Variants in PLCL2 observed in about 807,000 individuals in gnomAD.
PLCL2 encodes phospholipase C like 2.
PLCL2 carries 4 observed loss-of-function variants against 79.6 expected under a neutral mutation model. The observed-to-expected ratio is 0.05, with a 90% CI of 0.02 to 0.11. The LOEUF (loss-of-function observed/expected upper bound fraction) is 0.11, where lower values mean the gene tolerates loss of function less well. Ranked by LOEUF, PLCL2 falls within the 10% of genes least tolerant of loss-of-function variation. The pLI, the probability that PLCL2 is intolerant of heterozygous loss-of-function variation, is 1.00. For synonymous variants in PLCL2, 484 were observed against 457.7 expected (o/e 1.06, Z -0.73); for missense variants, 895 against 1,291.0 (o/e 0.69, Z 4.70).
chr3:17,032,450 A>G lies in PLCL2; in HGVS notation c.3019-10424A>G, dbSNP rs896736745. Among the ~76,000 whole-genome samples, 29 of 152,090 alleles carry G rather than the reference A, an allele frequency of 1.9e-4. 1 individual carries two copies. Among genetic ancestry groups the G allele is most frequent in the Admixed American group, 1.3e-4 (2 of 15,256 alleles). On this transcript the variant is annotated intron_variant, in intron 3 of 5. Transcript: ENST00000615277. ...GTGCATTCATTGTTTTGATTCCCCT[A>G]AGCTCTGCCTCTGTGATTTTGTCGA...
In PLCL2 at chr3:16,960,751, C is replaced by T. The variant is rs185641598; in HGVS notation, c.328-48923C>T. On this transcript the variant is annotated intron_variant, in intron 1 of 5. Coordinates refer to ENST00000615277, the MANE Select transcript of PLCL2 (RefSeq NM_001144382.2). ...AATAAATGGTCCCATCACCTTCCCT[C>T]AGAAGCCTTTCCATATACTACCATT... Among the ~76,000 whole-genome samples the T allele has an allele frequency of 3.1e-3, 479 of 152,310 alleles. 2 individuals are homozygous for T. The highest frequency in any genetic ancestry group is 5.2e-3 in the Non-Finnish European group (354 of 68,030).
chr3:17,009,986 G>A lies in PLCL2; in HGVS notation c.640G>A (p.Glu214Lys). ...RSNGISDQIS[E>K]DCAFSVIYGE... is the part of the protein sequence containing the mutation. ...CAATGGCATTTCTGACCAGATATCT[G>A]AAGATTGTGCGTTTTCCGTCATATA... The change falls in exon 2 of 6, where the codon GAA becomes AAA. Residue 214 changes from glutamate (E) to lysine (K), a missense_variant. Physicochemically the swap from Glu to Lys is moderately conservative, Grantham distance 56. Around this residue, in one of 6 missense-constraint regions of PLCL2, gnomAD observed 129 missense variants for 208.8 expected, o/e 0.62. Coordinates refer to ENST00000615277, the MANE Select transcript of PLCL2 (RefSeq NM_001144382.2). The surrounding 1 kb of genome is among the most constrained non-coding windows in gnomAD (Gnocchi z 4.0). 6.2e-7 allele frequency: 1 copy of A among 1,614,100 alleles called. No homozygotes were observed. Among genetic ancestry groups the A allele is most frequent in the Non-Finnish European group, 8.5e-7 (1 of 1,179,972 alleles).
Position 16,886,322 on chromosome 3 carries a change from G to C in PLCL2, c.327+956G>C, listed in dbSNP as rs1311191710. Among the ~76,000 whole-genome samples the C allele has an allele frequency of 3.3e-5, 5 of 152,230 alleles. No individual in the cohort carries two copies. Among genetic ancestry groups the C allele is most frequent in the African/African-American group, 4.8e-5 (2 of 41,462 alleles). On this transcript the variant is annotated intron_variant, in intron 1 of 5. Transcript: ENST00000615277. The surrounding 1 kb of genome is among the most constrained non-coding windows in gnomAD (Gnocchi z 4.2). The stretch of plus-strand genomic sequence containing the variant: ...AACATTGCTTTCTGAAAATCAAGGA[G>C]TTATCAGGACAGGGAGCAGCAAAGC...
intron 1 of PLCL2, among the ~76,000 whole-genome samples, chr3:16,903,448 A>G (rs1030713660): frequency 6.6e-6 from 1 of 152,212 alleles, no homozygotes; most frequent in Non-Finnish European, 1.5e-5. Context: ...CTGTCCTGCC[A>G]TGTGGTCACA....
At chr3:17,078,490 A>G (rs1289060804) in intron 5 of PLCL2, among the ~76,000 whole-genome samples, 2 of 151,534 alleles carry the variant, frequency 1.3e-5, no homozygotes. Flanking sequence ...CGTATCTTGG[A>G]CTTGAATTAA....
At chr3:16,891,859 C>A (rs1335899898) in intron 1 of PLCL2, among the ~76,000 whole-genome samples, 1 of 152,216 alleles carries the variant, frequency 6.6e-6, no homozygotes, top group Non-Finnish European at 1.5e-5. Context: ...TCTGTTTCCT[C>A]AGGTTTCCTT....
intron 5 of PLCL2, among the ~76,000 whole-genome samples, chr3:17,085,086 G>A (rs529906501): frequency 2.0e-5 from 3 of 152,130 alleles, no homozygotes; most frequent in African/African-American, 7.2e-5. Flanking sequence ...ATTATGGCAG[G>A]GTTGCAGGAA....
chr3:16,911,177 C>CG (rs1696872238), intron 1 of PLCL2, among the ~76,000 whole-genome samples: 1 of 148,036 alleles, frequency 6.8e-6, no homozygotes, highest in Non-Finnish European at 1.5e-5. Flanking sequence ...CACTTGAACC[C>CG]GGGGGGCGGA....
At chr3:16,976,620 C>T (rs1434785378) in intron 1 of PLCL2, among the ~76,000 whole-genome samples, 1 of 152,174 alleles carries the variant, frequency 6.6e-6, no homozygotes, top group East Asian at 1.9e-4. Context: ...ACAGCATAGC[C>T]TAGCCAAGGT....
chr3:17,014,773 G>A lies in PLCL2; in HGVS notation c.2880G>A (p.Met960Ile), dbSNP rs767703002. The change falls in exon 3 of 6, where the codon ATG becomes ATA. Residue 960 changes from methionine (M) to isoleucine (I), a missense_variant. Physicochemically the swap from Met to Ile is conservative, Grantham distance 10 (BLOSUM62 1). Coordinates refer to ENST00000615277, the MANE Select transcript of PLCL2 (RefSeq NM_001144382.2). ...CTGTGGCCAATCTCATGCAGTGCAT[G>A]TTGGCGGTGTCTCCCCGCTTTCTGG... ...LSSVANLMQC[M>I]LAVSPRFLGP... 1 of 1,614,044 alleles carries A rather than the reference G, an allele frequency of 6.2e-7. No individual in the cohort carries two copies. The highest frequency in any genetic ancestry group is 2.2e-5 in the East Asian group (1 of 44,900).
chr3:17,026,696 C>T (rs181128215), intron 3 of PLCL2, among the ~76,000 whole-genome samples: 183 of 152,100 alleles, frequency 1.2e-3, no homozygotes, highest in African/African-American at 4.1e-3. Context: ...GGTGAAACCC[C>T]ATCTCTACTA....
At chr3:17,073,207 A>G (rs2065077431) in intron 5 of PLCL2, among the ~76,000 whole-genome samples, 1 of 152,194 alleles carries the variant, frequency 6.6e-6, no homozygotes, top group South Asian at 2.1e-4. Flanking sequence ...AGACTGCTTG[A>G]TCAGTTCCAG....
chr3:16,956,193 G>A (rs1396568748), intron 1 of PLCL2, among the ~76,000 whole-genome samples: 1 of 152,110 alleles, frequency 6.6e-6, no homozygotes, highest in Non-Finnish European at 1.5e-5. Context: ...ATTATTTTGA[G>A]ATACGTCCCA....
At chr3:17,037,710 T>TA (rs769825708) in intron 3 of PLCL2, among the ~76,000 whole-genome samples, 56 of 152,174 alleles carry the variant, frequency 3.7e-4, no homozygotes, top group Non-Finnish European at 2.9e-4. Context: ...CCCAAGTATA[T>TA]AAAATTATTG....
chr3:16,999,553 A>G (rs1349964905), intron 1 of PLCL2, among the ~76,000 whole-genome samples: 5 of 152,250 alleles, frequency 3.3e-5, no homozygotes, highest in East Asian at 1.9e-4. Flanking sequence ...GGTAGGTACC[A>G]TAAATAACAT....
chr3:16,935,583 A>G (rs999114489), intron 1 of PLCL2, among the ~76,000 whole-genome samples: 1 of 152,084 alleles, frequency 6.6e-6, no homozygotes, highest in Non-Finnish European at 1.5e-5. Context: ...GATCGGAATA[A>G]TAATTTTTTT....
chr3:17,043,888 G>A (rs2064754440), intron 4 of PLCL2, among the ~76,000 whole-genome samples: 1 of 152,148 alleles, frequency 6.6e-6, no homozygotes, highest in Non-Finnish European at 1.5e-5. Context: ...TAGCAAAGTG[G>A]TCTTTCTACT....
At chr3:16,962,362 C>G (rs545612462) in intron 1 of PLCL2, among the ~76,000 whole-genome samples, 1 of 151,708 alleles carries the variant, frequency 6.6e-6, no homozygotes, top group East Asian at 1.9e-4. Context: ...GCCTGCCCCA[C>G]GACCCATCTG....
At chr3:17,079,012 A>G (rs2065135686) in intron 5 of PLCL2, among the ~76,000 whole-genome samples, 1 of 152,092 alleles carries the variant, frequency 6.6e-6, no homozygotes, top group Admixed American at 6.5e-5. Context: ...ATACAGTAAA[A>G]CCTCAAACAT....
Sources: gnomAD v4.1 joint callset for allele counts (sites outside exome capture counted in the v4.1 genomes callset) on GRCh38, gnomAD v4.1.1 for gene constraint, gnomAD v4.1.1 regional missense constraint, Gnocchi (gnomAD v3.1) non-coding constraint, MANE v1.5 for transcripts, NCBI Gene and HGNC (gene_info 2026-07-23, HGNC 2026-07-21) for gene names.